Variants in PAPPA2 observed in about 807,000 individuals in gnomAD.
PAPPA2 encodes the protein pappalysin 2.
PAPPA2 carries 86 observed loss-of-function variants against 176.4 expected under a neutral mutation model. That is an observed-to-expected ratio of 0.49 (90% CI 0.41 to 0.58). The LOEUF (loss-of-function observed/expected upper bound fraction) is 0.58, where lower values mean the gene tolerates loss of function less well. PAPPA2 is among the 20% of genes least tolerant of loss of function. The probability of loss-of-function intolerance (pLI) is 0.00; values close to 1 mark genes in which losing one functional copy is unlikely to be tolerated. For synonymous variants in PAPPA2, 809 were observed against 852.2 expected (o/e 0.95, Z 0.88); for missense variants, 2,073 against 2,256.9 (o/e 0.92, Z 1.65).
At chr1:176,534,667 G>A (rs555881219) in intron 1 of PAPPA2, among the ~76,000 whole-genome samples, 92 of 152,322 alleles carry the variant, frequency 6.0e-4, no homozygotes, top group Non-Finnish European at 1.0e-3. Flanking sequence ...TATATGAGAG[G>A]TGTGTGCTTG....
chr1:176,791,295 C>T, intron 18 of PAPPA2, 52 bp from the exon 19 acceptor site: 1 of 1,390,614 alleles, frequency 7.2e-7, no homozygotes, highest in African/African-American at 1.6e-5. Flanking sequence ...TTTTTCAACT[C>T]TCAATAAAGT....
At chr1:176,693,182 C>T (rs1029026453) in intron 6 of PAPPA2, among the ~76,000 whole-genome samples, 3 of 152,206 alleles carry the variant, frequency 2.0e-5, no homozygotes, top group Admixed American at 1.3e-4. Context: ...AAACCTACTG[C>T]TGTATTCTGA....
chr1:176,753,745 T>C (rs1048174635), intron 14 of PAPPA2, among the ~76,000 whole-genome samples: 1 of 152,128 alleles, frequency 6.6e-6, no homozygotes, highest in African/African-American at 2.4e-5. Flanking sequence ...CTCATCTGAT[T>C]ATCTGCCTCC....
At chr1:176,764,109 G>A (rs975278805) in intron 14 of PAPPA2, among the ~76,000 whole-genome samples, 2 of 152,096 alleles carry the variant, frequency 1.3e-5, no homozygotes, top group African/African-American at 2.4e-5. Context: ...AACTAATTCA[G>A]TCACTACCAC....
At chr1:176,741,975 G>A (rs1558555737) in intron 14 of PAPPA2, among the ~76,000 whole-genome samples, 1 of 152,074 alleles carries the variant, frequency 6.6e-6, no homozygotes. Context: ...TTCCTACTCT[G>A]GTGACTGCCT....
At chr1:176,799,980 G>A (rs1316032598) in intron 20 of PAPPA2, 81 bp from the exon 21 acceptor site, 7 of 1,406,214 alleles carry the variant, frequency 5.0e-6, no homozygotes, top group African/African-American at 4.2e-5. Flanking sequence ...GGACTCCTGT[G>A]GTGAGCTCAG....
chr1:176,688,052 G>GA (rs1235574338), intron 4 of PAPPA2, among the ~76,000 whole-genome samples: 2 of 152,052 alleles, frequency 1.3e-5, no homozygotes, highest in Admixed American at 6.6e-5. Flanking sequence ...CACAATTTGG[G>GA]AAAAAAACTA....
Position 176,710,051 on chromosome 1 carries a change from A to T in PAPPA2, c.3526A>T (p.Ile1176Phe). The T allele has an allele frequency of 3.7e-6, 6 of 1,613,822 alleles. No homozygotes were observed. Among genetic ancestry groups the T allele is most frequent in the Non-Finnish European group, 5.1e-6 (6 of 1,179,764 alleles). Residue 1176 changes from isoleucine to phenylalanine, a missense_variant, in exon 11 of 23, where the codon ATT (isoleucine) becomes TTT (phenylalanine). This residue lies in a region of PAPPA2 where 846 missense variants were observed against 857.9 expected (regional missense o/e 0.99). Transcript: ENST00000367662. ...ICEPFERKTS[I>F]VDCGIYTPKG... ...TGAACCTTTTGAGAGAAAAACCAGC[A>T]TTGTAGACTGTGGCATCTACACTCC...
At chr1:176,548,289 A>C (rs1650746729) in intron 1 of PAPPA2, among the ~76,000 whole-genome samples, 1 of 151,972 alleles carries the variant, frequency 6.6e-6, no homozygotes, top group African/African-American at 2.4e-5. Context: ...CTTAGATTTT[A>C]ATGGGGGCAT....
chr1:176,709,619 T>C (rs967180103), intron 10 of PAPPA2, among the ~76,000 whole-genome samples: 1 of 152,226 alleles, frequency 6.6e-6, no homozygotes, highest in Non-Finnish European at 1.5e-5. Context: ...TTCTTTTACC[T>C]ACCTATCTTA....
intron 1 of PAPPA2, among the ~76,000 whole-genome samples, chr1:176,537,516 T>A (rs1261220835): frequency 6.6e-6 from 1 of 152,236 alleles, no homozygotes; most frequent in South Asian, 2.1e-4. Flanking sequence ...TACTCTGACA[T>A]GTTTTAAAAT....
intron 21 of PAPPA2, among the ~76,000 whole-genome samples, chr1:176,825,735 G>C (rs1666835018): frequency 6.6e-6 from 1 of 152,216 alleles, no homozygotes; most frequent in South Asian, 2.1e-4. Context: ...TTGAAACCAT[G>C]TTACGTATTA....
At chr1:176,808,910 GAA>G (rs1348824042) in intron 21 of PAPPA2, among the ~76,000 whole-genome samples, 2 of 152,182 alleles carry the variant, frequency 1.3e-5, no homozygotes, top group East Asian at 3.8e-4. Flanking sequence ...TTTACTTAGA[GAA>G]AAGTTTGCAG....
intron 4 of PAPPA2, among the ~76,000 whole-genome samples, chr1:176,687,738 T>C (rs1208806696): frequency 1.3e-5 from 2 of 152,158 alleles, no homozygotes; most frequent in Non-Finnish European, 2.9e-5. Flanking sequence ...TAACTATTGA[T>C]TGGAACTTTT....
chr1:176,528,694 T>G (rs1649628095), intron 1 of PAPPA2, among the ~76,000 whole-genome samples: 1 of 152,234 alleles, frequency 6.6e-6, no homozygotes, highest in South Asian at 2.1e-4. Flanking sequence ...CCAAATTTCT[T>G]AGTCTCACAT....
chr1:176,789,303 C>CA (rs1665075035), intron 17 of PAPPA2, among the ~76,000 whole-genome samples: 1 of 148,374 alleles, frequency 6.7e-6, no homozygotes, highest in Admixed American at 6.8e-5. Context: ...ATCGCAAGGA[C>CA]AAAAAACCAA....
intron 1 of PAPPA2, among the ~76,000 whole-genome samples, chr1:176,477,334 G>A (rs1444062397): frequency 1.3e-5 from 2 of 152,068 alleles, no homozygotes; most frequent in Non-Finnish European, 2.9e-5. Context: ...AATAAAACAT[G>A]CATTTTTTAT....
intron 21 of PAPPA2, among the ~76,000 whole-genome samples, chr1:176,805,980 C>T (rs1201804476): frequency 1.5e-5 from 2 of 131,112 alleles, no homozygotes; most frequent in Non-Finnish European, 3.1e-5. Context: ...AGAGCAAAAC[C>T]CTGTCTCTCT....
rs558879885 is a variant in PAPPA2, at chr1:176,781,852, G to T, written c.4716-7957G>T. 2.1e-4 allele frequency among the ~76,000 whole-genome samples: 32 copies of T among 152,316 alleles called. No individual in the cohort carries two copies. The South Asian group carries it at 4.1e-3, about 20-fold the overall frequency. On this transcript the variant is annotated intron_variant, in intron 17 of 22. Transcript: ENST00000367662. ...TGCTCTAGGTACCACACTGTGTGTAGTAAGAGGCTAAAGTGTATTCGGAGT... is the reference window on the plus strand; with the variant it reads ...TGCTCTAGGTACCACACTGTGTGTATTAAGAGGCTAAAGTGTATTCGGAGT...
Sources: allele counts gnomAD v4.1 joint callset (sites outside exome capture counted in the v4.1 genomes callset), GRCh38; gene constraint gnomAD v4.1.1; regional missense constraint gnomAD v4.1.1; transcripts MANE v1.5; gene names NCBI Gene and HGNC (gene_info 2026-07-23, HGNC 2026-07-21).